Variants in MACROD2 observed in about 807,000 individuals in gnomAD.
MACROD2 encodes the protein mono-ADP ribosylhydrolase 2.
In MACROD2, 36 loss-of-function variants were observed where a neutral mutation model predicts 70.4. The observed-to-expected ratio is 0.51, with a 90% confidence interval of 0.39 to 0.68. MACROD2 has a LOEUF of 0.68. MACROD2 is among the 30% of genes least tolerant of loss of function. The pLI is 0.00. For synonymous variants in MACROD2, 172 were observed against 178.8 expected (o/e 0.96, Z 0.30); for missense variants, 496 against 538.4 (o/e 0.92, Z 0.78).
chr20:14,390,207 A>G (rs966626784), intron 3 of MACROD2, among the ~76,000 whole-genome samples: 2 of 152,194 alleles, frequency 1.3e-5, no homozygotes, highest in African/African-American at 4.8e-5. Context: ...AAATATCTCT[A>G]CAAGGAGAAG....
In MACROD2 at chr20:15,623,637, C is replaced by T. The variant is rs367863593; in HGVS notation, c.645+123790C>T. ...CCAAGCTTCTTGTCCAGTAAAACCACAACTCAGAAATCTTGCTTAACTAAG... is the reference window on the plus strand; with the variant it reads ...CCAAGCTTCTTGTCCAGTAAAACCATAACTCAGAAATCTTGCTTAACTAAG... On this transcript the variant is annotated intron_variant, in intron 8 of 17. Coordinates refer to ENST00000684519, the MANE Select transcript of MACROD2 (RefSeq NM_001351661.2). Among the ~76,000 whole-genome samples, 4 of 152,216 alleles carry T rather than the reference C, an allele frequency of 2.6e-5. No homozygotes were observed. The East Asian group carries it at 7.7e-4, about 29-fold the overall frequency.
intron 5 of MACROD2, among the ~76,000 whole-genome samples, chr20:15,184,927 G>C (rs990442267): frequency 1.3e-5 from 2 of 152,132 alleles, no homozygotes; most frequent in Admixed American, 6.5e-5. Context: ...CATATCTTTC[G>C]GGAGCTGTTG....
rs1042255013 is a variant in MACROD2, at chr20:14,600,343, T to TACACACAC, written c.302-84484_302-84477dup. Among the ~76,000 whole-genome samples the TACACACAC allele has an allele frequency of 1.6e-3, 208 of 130,106 alleles. 3 individuals are homozygous for TACACACAC. The highest frequency in any genetic ancestry group is 6.1e-3 in the African/African-American group (193 of 31,700). 85.4% of individuals were successfully genotyped at this position (130,106 alleles called of 152,430 possible). On this transcript the variant is annotated intron_variant, in intron 4 of 17. Coordinates refer to ENST00000684519, the MANE Select transcript of MACROD2 (RefSeq NM_001351661.2). ...ATGCAGCTACATATATATATATATA[T>TACACACAC]ACACACACACACACACACACACAAA...
At chr20:14,832,363 G>C (rs1348727085) in intron 5 of MACROD2, among the ~76,000 whole-genome samples, 1 of 151,936 alleles carries the variant, frequency 6.6e-6, no homozygotes, top group African/African-American at 2.4e-5. Flanking sequence ...TTGCAAGTAA[G>C]GGGGGTTGAA....
chr20:15,898,964 A>G (rs141986415), intron 10 of MACROD2, among the ~76,000 whole-genome samples: 1 of 151,990 alleles, frequency 6.6e-6, no homozygotes, highest in Non-Finnish European at 1.5e-5. Context: ...ATGTATACAC[A>G]TACCTATATG....
chr20:15,258,316 A>G (rs2077217807), intron 6 of MACROD2, among the ~76,000 whole-genome samples: 2 of 152,160 alleles, frequency 1.3e-5, no homozygotes, highest in South Asian at 4.1e-4. Context: ...TGAGGCCTTC[A>G]CACTCACTCA....
At chr20:14,799,021 T>G (rs2072543034) in intron 5 of MACROD2, among the ~76,000 whole-genome samples, 4 of 152,008 alleles carry the variant, frequency 2.6e-5, no homozygotes, top group Admixed American at 2.6e-4. Context: ...TAACAGTTAA[T>G]TTAACATTAT....
At chr20:15,555,949 G>A (rs561181211) in intron 8 of MACROD2, among the ~76,000 whole-genome samples, 2 of 151,842 alleles carry the variant, frequency 1.3e-5, no homozygotes, top group African/African-American at 4.8e-5. Flanking sequence ...TGAAGAACAT[G>A]TTTATTTGAT....
intron 3 of MACROD2, among the ~76,000 whole-genome samples, chr20:14,415,631 A>G: frequency 6.6e-6 from 1 of 152,202 alleles, no homozygotes; most frequent in East Asian, 1.9e-4. Context: ...ATTCAGGGGG[A>G]AACAGTGTCT....
intron 3 of MACROD2, among the ~76,000 whole-genome samples, chr20:14,440,779 G>C (rs926589327): frequency 1.3e-5 from 2 of 152,138 alleles, no homozygotes; most frequent in African/African-American, 4.8e-5. Context: ...GGGATCTCCA[G>C]GCCTCCCTTA....
chr20:14,961,802 G>C (rs1467575566), intron 5 of MACROD2, among the ~76,000 whole-genome samples: 1 of 152,006 alleles, frequency 6.6e-6, no homozygotes, highest in African/African-American at 2.4e-5. Flanking sequence ...TTACAGAAAA[G>C]TTGCAAAAAT....
intron 6 of MACROD2, among the ~76,000 whole-genome samples, chr20:15,354,867 T>C (rs1332306512): frequency 1.3e-5 from 2 of 152,220 alleles, no homozygotes; most frequent in Admixed American, 6.5e-5. Flanking sequence ...AAGTTGTATC[T>C]GTACCATGAT....
intron 6 of MACROD2, among the ~76,000 whole-genome samples, chr20:15,420,147 C>T (rs540183294): frequency 6.6e-6 from 1 of 152,258 alleles, no homozygotes; most frequent in African/African-American, 2.4e-5. Flanking sequence ...TCAAGTTCTT[C>T]CATTTGCTGG....
At chr20:15,072,809 C>T (rs1214618044) in intron 5 of MACROD2, among the ~76,000 whole-genome samples, 1 of 152,058 alleles carries the variant, frequency 6.6e-6, no homozygotes, top group Non-Finnish European at 1.5e-5. Context: ...AATAGTAAAC[C>T]CCATTGCTAT....
chr20:15,391,036 G>C (rs1203051559), intron 6 of MACROD2, among the ~76,000 whole-genome samples: 1 of 152,146 alleles, frequency 6.6e-6, no homozygotes, highest in Non-Finnish European at 1.5e-5. Flanking sequence ...TCAAAACAGA[G>C]AAACAACGAG....
intron 5 of MACROD2, among the ~76,000 whole-genome samples, chr20:14,871,770 G>C (rs1218219320): frequency 6.6e-6 from 1 of 152,068 alleles, no homozygotes; most frequent in African/African-American, 2.4e-5. Context: ...CTATCTTCAA[G>C]AGACCCATCT....
intron 3 of MACROD2, among the ~76,000 whole-genome samples, chr20:14,101,440 TTATGTAAGTTTAGCGTTGA>T (rs1318559192): frequency 6.6e-6 from 1 of 152,008 alleles, no homozygotes; most frequent in East Asian, 1.9e-4. Flanking sequence ...AAAATTATAA[TTATGTAAGTTTAGCGTTGA>T]TAGATTGGGG....
At chr20:14,072,212 T>C (rs1272014456) in intron 2 of MACROD2, among the ~76,000 whole-genome samples, 1 of 152,178 alleles carries the variant, frequency 6.6e-6, no homozygotes, top group Non-Finnish European at 1.5e-5. Flanking sequence ...TTATGTTTTT[T>C]TCCTCTAGGG....
At chr20:14,971,406 A>G (rs2074689604) in intron 5 of MACROD2, among the ~76,000 whole-genome samples, 1 of 152,034 alleles carries the variant, frequency 6.6e-6, no homozygotes, top group African/African-American at 2.4e-5. Context: ...AGCCCATTCA[A>G]AGAGAGGAAT....
Sources: gnomAD v4.1 joint callset for allele counts (sites outside exome capture counted in the v4.1 genomes callset) on GRCh38, gnomAD v4.1.1 for gene constraint, MANE v1.5 for transcripts, NCBI Gene and HGNC (gene_info 2026-07-23, HGNC 2026-07-21) for gene names.